The following MGMT variants were observed in gnomAD, a reference collection of about 807,000 sequenced individuals.
MGMT encodes O-6-methylguanine-DNA methyltransferase.
Under a neutral mutation model 15.9 loss-of-function variants are expected in MGMT, and 14 were observed. The observed-to-expected ratio is 0.88, with a 90% CI of 0.58 to 1.37. The LOEUF (loss-of-function observed/expected upper bound fraction) is 1.37. Ranked by LOEUF, MGMT falls within the 40% of genes most tolerant of loss-of-function variation. The pLI, the probability that MGMT is intolerant of heterozygous loss-of-function variation, is 0.00. For synonymous variants in MGMT, 130 were observed against 118.2 expected (o/e 1.10, Z -0.65); for missense variants, 282 against 268.1 (o/e 1.05, Z -0.36).
At position 129,473,535 on chromosome 10, in the gene MGMT, G is replaced by A. The variant is rs919572525; in HGVS notation, c.-13+6239G>A. Among the ~76,000 whole-genome samples the A allele has an allele frequency of 2.0e-5, 3 of 152,280 alleles. No individual in the cohort carries two copies. In the South Asian group the frequency reaches 6.2e-4, roughly 32 times the overall value. On this transcript the variant is annotated intron_variant, in intron 1 of 4. Transcript: ENST00000651593. ...TCTCCTGGGATAGAGGTAGAGTTTT[G>A]TTTTCAACCCAGATTTATTTGATAA...
chr10:129,467,482 C>A, intron 1 of MGMT, 186 bp downstream of exon 1: 1 of 960,606 alleles, frequency 1.0e-6, no homozygotes, highest in East Asian at 1.2e-4. Flanking sequence ...CAGCCTTTCC[C>A]CGGGCCTGGG....
chr10:129,644,587 G>A (rs537751106), intron 2 of MGMT, among the ~76,000 whole-genome samples: 4 of 152,300 alleles, frequency 2.6e-5, no homozygotes, highest in African/African-American at 9.6e-5. Flanking sequence ...GCCCGTGGAA[G>A]GGCCGAGCCT....
At chr10:129,570,726 G>C (rs557847082) in intron 2 of MGMT, among the ~76,000 whole-genome samples, 1 of 152,102 alleles carries the variant, frequency 6.6e-6, no homozygotes, top group Non-Finnish European at 1.5e-5. Context: ...ATCGATTCTT[G>C]ACCTGCGAGT....
At chr10:129,615,087 A>T (rs1402250417) in intron 2 of MGMT, among the ~76,000 whole-genome samples, 1 of 152,052 alleles carries the variant, frequency 6.6e-6, no homozygotes, top group Non-Finnish European at 1.5e-5. Flanking sequence ...AAGGGGGAAA[A>T]TGGTTGTTTC....
chr10:129,489,701 G>A (rs552476567), intron 1 of MGMT, among the ~76,000 whole-genome samples: 9 of 152,076 alleles, frequency 5.9e-5, no homozygotes, highest in East Asian at 1.9e-4. Context: ...AATACTCCCC[G>A]TGTCCTTATT....
At chr10:129,677,232 G>C (rs773295963) in intron 2 of MGMT, among the ~76,000 whole-genome samples, 1 of 151,746 alleles carries the variant, frequency 6.6e-6, no homozygotes, top group African/African-American at 2.4e-5. Context: ...AGTGTTTTAT[G>C]TCTTTTGCCT....
intron 2 of MGMT, among the ~76,000 whole-genome samples, chr10:129,621,304 C>A (rs1219480992): frequency 6.6e-6 from 1 of 152,130 alleles, no homozygotes; most frequent in Non-Finnish European, 1.5e-5. Context: ...CCTTGAAGTC[C>A]CATGTACACG....
At chr10:129,592,027 G>C (rs1846693073) in intron 2 of MGMT, among the ~76,000 whole-genome samples, 1 of 152,212 alleles carries the variant, frequency 6.6e-6, no homozygotes, top group South Asian at 2.1e-4. Flanking sequence ...CTTTTTAGTA[G>C]ACACGGGGAT....
intron 4 of MGMT, among the ~76,000 whole-genome samples, chr10:129,764,190 C>T (rs1041868575): frequency 1.3e-5 from 2 of 152,216 alleles, no homozygotes; most frequent in Non-Finnish European, 2.9e-5. Flanking sequence ...AACTTGGGCA[C>T]GAGACTCCAT....
intron 4 of MGMT, among the ~76,000 whole-genome samples, chr10:129,761,275 C>G (rs1476589834): frequency 1.3e-5 from 2 of 152,192 alleles, no homozygotes; most frequent in African/African-American, 4.8e-5. Context: ...CTTGTCTTCT[C>G]CCCACTGAGG....
rs1453065037 is a variant in MGMT at position 129,499,406 on chromosome 10, T to C, written c.-13+32110T>C. 4.6e-5 allele frequency among the ~76,000 whole-genome samples: 7 copies of C among 152,242 alleles called. No individual in the cohort carries two copies. The East Asian group carries it at 1.3e-3, about 29-fold the overall frequency. ...AAATGGATATGCCAGCTAATTAGCT[T>C]ATTTCTCAAATATCCATGTTGGATG... is the stretch of plus-strand genomic sequence containing the variant. On this transcript the variant is annotated intron_variant, in intron 1 of 4. Coordinates refer to ENST00000651593, the MANE Select transcript of MGMT (RefSeq NM_002412.5).
At chr10:129,716,484 C>T (rs993174972) in intron 3 of MGMT, among the ~76,000 whole-genome samples, 8 of 152,216 alleles carry the variant, frequency 5.3e-5, no homozygotes, top group East Asian at 3.9e-4. Context: ...CGCGATCCCC[C>T]GCCTGCCAAG....
At chr10:129,516,222 T>C (rs1388548722) in intron 1 of MGMT, among the ~76,000 whole-genome samples, 1 of 152,248 alleles carries the variant, frequency 6.6e-6, no homozygotes, top group Non-Finnish European at 1.5e-5. Context: ...GATGTCTGTA[T>C]GGTGGGCAAG....
chr10:129,648,736 G>A (rs900053066), intron 2 of MGMT, among the ~76,000 whole-genome samples: 1 of 151,942 alleles, frequency 6.6e-6, no homozygotes, highest in Non-Finnish European at 1.5e-5. Flanking sequence ...TGAATGATTT[G>A]GAATCTTTTA....
chr10:129,680,647 G>T (rs1847840848), intron 2 of MGMT, among the ~76,000 whole-genome samples: 1 of 152,158 alleles, frequency 6.6e-6, no homozygotes, highest in African/African-American at 2.4e-5. Context: ...CTCTCCCCTG[G>T]ATCTGAAACA....
chr10:129,570,605 TTC>T (rs1463320022), intron 2 of MGMT, among the ~76,000 whole-genome samples: 1 of 152,240 alleles, frequency 6.6e-6, no homozygotes, highest in East Asian at 1.9e-4. Flanking sequence ...ACATAATGAG[TTC>T]TGTTTTTCAT....
At chr10:129,497,266 G>A (rs920284973) in intron 1 of MGMT, among the ~76,000 whole-genome samples, 1 of 152,192 alleles carries the variant, frequency 6.6e-6, no homozygotes, top group Non-Finnish European at 1.5e-5. Context: ...CTGGAGGCAA[G>A]GGGAGGGTTT....
At chr10:129,507,475 A>G (rs1000328318) in intron 1 of MGMT, among the ~76,000 whole-genome samples, 2 of 152,146 alleles carry the variant, frequency 1.3e-5, no homozygotes, top group Non-Finnish European at 2.9e-5. Context: ...ACTGGGAGCA[A>G]TGGCCCTGCT....
chr10:129,729,976 A>G (rs1352787614), intron 3 of MGMT, among the ~76,000 whole-genome samples: 1 of 152,102 alleles, frequency 6.6e-6, no homozygotes, highest in Non-Finnish European at 1.5e-5. Flanking sequence ...GGGCGTGGAC[A>G]GTGGGGTGGA....
Sources: allele counts gnomAD v4.1 joint callset (sites outside exome capture counted in the v4.1 genomes callset), GRCh38; gene constraint gnomAD v4.1.1; transcripts MANE v1.5; gene names NCBI Gene and HGNC (gene_info 2026-07-23, HGNC 2026-07-21).